Variants in TBL1XR1 observed in about 807,000 individuals in gnomAD.
TBL1XR1 encodes TBL1X/Y related 1.
TBL1XR1 carries 5 observed loss-of-function variants against 66.9 expected under a neutral mutation model. The observed-to-expected ratio is 0.07, with a 90% CI of 0.04 to 0.16. The LOEUF (loss-of-function observed/expected upper bound fraction) is 0.16. Ranked by LOEUF, TBL1XR1 falls within the 10% of genes least tolerant of loss-of-function variation. TBL1XR1 has a pLI of 1.00. For synonymous variants in TBL1XR1, 210 were observed against 206.0 expected (o/e 1.02, Z -0.17); for missense variants, 238 against 623.2 (o/e 0.38, Z 6.58).
At chr3:177,137,370 T>TA (rs1729123824) in intron 1 of TBL1XR1, among the ~76,000 whole-genome samples, 1 of 152,106 alleles carries the variant, frequency 6.6e-6, no homozygotes. Flanking sequence ...TGTGTGCCTG[T>TA]AGTCCCGGTT....
chr3:177,133,442 T>G (rs1728539079), intron 1 of TBL1XR1, among the ~76,000 whole-genome samples: 1 of 152,220 alleles, frequency 6.6e-6, no homozygotes, highest in Non-Finnish European at 1.5e-5. Flanking sequence ...TGCTCACTTT[T>G]TACACCAGGT....
intron 1 of TBL1XR1, among the ~76,000 whole-genome samples, chr3:177,154,125 C>T (rs1731219580): frequency 6.6e-6 from 1 of 151,850 alleles, no homozygotes; most frequent in South Asian, 2.1e-4. Flanking sequence ...AAACAAAAAT[C>T]CAACTATATC....
At chr3:177,096,331 T>TACACAC (rs756833949) in intron 2 of TBL1XR1, among the ~76,000 whole-genome samples, 2,214 of 100,726 alleles carry the variant, frequency 0.022, 29 homozygotes, top group Middle Eastern at 0.028. Context: ...CTAACATACA[T>TACACAC]ACATACACAC....
chr3:177,122,779 T>A (rs1420143983), intron 1 of TBL1XR1, among the ~76,000 whole-genome samples: 1 of 152,120 alleles, frequency 6.6e-6, no homozygotes, highest in East Asian at 1.9e-4. Context: ...AGACTCATGA[T>A]TAAATATTAG....
chr3:177,199,586 T>A (rs1281354124), upstream of TBL1XR1, among the ~76,000 whole-genome samples: 3 of 152,132 alleles, frequency 2.0e-5, no homozygotes, highest in African/African-American at 7.2e-5. Flanking sequence ...GAGTGAGGAC[T>A]TCTCAACCAT....
At chr3:177,054,071 TGTGC>T (rs751883347) in intron 3 of TBL1XR1, among the ~76,000 whole-genome samples, 153 bp from the exon 4 acceptor site, 45 of 129,412 alleles carry the variant, frequency 3.5e-4, no homozygotes, top group Middle Eastern at 8.7e-3. Flanking sequence ...TGTGTGTGTG[TGTGC>T]GCGCGCGTGT....
At chr3:177,104,260 C>T (rs950162961) in intron 1 of TBL1XR1, among the ~76,000 whole-genome samples, 5 of 152,034 alleles carry the variant, frequency 3.3e-5, no homozygotes, top group African/African-American at 1.2e-4. Flanking sequence ...ATTGAAAGCA[C>T]AATTAAGAAA....
At chr3:177,198,623 C>CT (rs1473984781), upstream of TBL1XR1, among the ~76,000 whole-genome samples, 7 of 152,076 alleles carry the variant, frequency 4.6e-5, no homozygotes, top group Admixed American at 3.3e-4. Flanking sequence ...GGGTAGGGTG[C>CT]TTTTTAGAGC....
At chr3:177,142,047 G>C (rs948505813) in intron 1 of TBL1XR1, among the ~76,000 whole-genome samples, 3 of 152,210 alleles carry the variant, frequency 2.0e-5, no homozygotes, top group African/African-American at 7.2e-5. Flanking sequence ...GTGGCTAGAG[G>C]CGAGAGGAAT....
chr3:177,035,183 A>C (rs1456493304), intron 12 of TBL1XR1, among the ~76,000 whole-genome samples: 4 of 152,168 alleles, frequency 2.6e-5, no homozygotes, highest in African/African-American at 2.4e-5. Flanking sequence ...ATTTCATTAG[A>C]CCTTTCTAAT....
chr3:177,093,893 C>T (rs987245999), intron 2 of TBL1XR1, among the ~76,000 whole-genome samples: 3 of 152,088 alleles, frequency 2.0e-5, no homozygotes, highest in Non-Finnish European at 1.5e-5. Flanking sequence ...TTGGGAAAAC[C>T]CTTCTAGACA....
intron 2 of TBL1XR1, among the ~76,000 whole-genome samples, chr3:177,080,643 T>G (rs1721280702): frequency 6.6e-6 from 1 of 152,146 alleles, no homozygotes; most frequent in Non-Finnish European, 1.5e-5. Flanking sequence ...TTTTTTTCAG[T>G]GACACACAGA....
chr3:177,050,211 T>A (rs757411458), intron 6 of TBL1XR1, 73 bp from the exon 7 acceptor site: 4 of 1,509,154 alleles, frequency 2.7e-6, no homozygotes, highest in Non-Finnish European at 3.6e-6. Context: ...CATATTTACA[T>A]CTGAATATTA....
chr3:177,201,414 CAAAAAAAAAAAA>C (rs557996871), upstream of TBL1XR1, among the ~76,000 whole-genome samples: 2 of 41,356 alleles, frequency 4.8e-5, no homozygotes. Flanking sequence ...GATTACATCT[CAAAAAAAAAAAA>C]AAAAAAAAAA....
At chr3:177,185,543 G>A (rs1735300122) in intron 1 of TBL1XR1, among the ~76,000 whole-genome samples, 1 of 151,608 alleles carries the variant, frequency 6.6e-6, no homozygotes, top group African/African-American at 2.4e-5. Flanking sequence ...GGAAGCGGAG[G>A]TCACTGTGAG....
chr3:177,067,047 G>T (rs1216630549), intron 2 of TBL1XR1, among the ~76,000 whole-genome samples: 1 of 152,156 alleles, frequency 6.6e-6, no homozygotes, highest in Non-Finnish European at 1.5e-5. Context: ...TAGTACACTA[G>T]ATGGTAAATG....
chr3:177,048,556 G>T (rs1460013427), intron 7 of TBL1XR1, among the ~76,000 whole-genome samples: 6 of 152,156 alleles, frequency 3.9e-5, no homozygotes, highest in Admixed American at 3.9e-4. Flanking sequence ...GTCTCAAGAA[G>T]AAGGGGAGCC....
chr3:177,029,440 C>CA (rs1247633973), intron 14 of TBL1XR1, among the ~76,000 whole-genome samples: 1 of 151,970 alleles, frequency 6.6e-6, no homozygotes, highest in African/African-American at 2.4e-5. Flanking sequence ...GGCAACATGG[C>CA]AAAACCCGGT....
At chr3:177,178,985 C>T (rs1166204822) in intron 1 of TBL1XR1, among the ~76,000 whole-genome samples, 1 of 151,814 alleles carries the variant, frequency 6.6e-6, no homozygotes, top group African/African-American at 2.4e-5. Flanking sequence ...GGTGTGGTGG[C>T]GGGTGCCTGT....
Sources: gnomAD v4.1 joint callset for allele counts (sites outside exome capture counted in the v4.1 genomes callset) on GRCh38, gnomAD v4.1.1 for gene constraint, MANE v1.5 for transcripts, NCBI Gene and HGNC (gene_info 2026-07-23, HGNC 2026-07-21) for gene names.